RAB38: variants seen among roughly 807,000 people sequenced by gnomAD.
The protein encoded by RAB38 is ras-related protein Rab-38.
In RAB38, 15 loss-of-function variants were observed where a neutral mutation model predicts 18.4. The ratio of observed to expected loss-of-function variants is 0.82; its 90% confidence interval spans 0.55 to 1.26. The LOEUF is 1.26. RAB38 is among the 50% of genes most tolerant of loss of function. RAB38 has a pLI of 0.00. For missense variants in RAB38, 294 were observed against 267.4 expected, an observed-to-expected ratio of 1.10 and a Z score of -0.69; for synonymous variants, 101 against 104.4, an observed-to-expected ratio of 0.97 and a Z score of 0.20.
the RAB38 span, among the ~76,000 whole-genome samples, chr11:88,107,259 C>G: frequency 1.3e-5 from 2 of 152,034 alleles, no homozygotes; most frequent in Non-Finnish European, 2.9e-5. Context: ...CCAAAGAAAA[C>G]CCATAGGCTT....
the RAB38 span, among the ~76,000 whole-genome samples, chr11:88,045,658 A>G: frequency 1.1e-3 from 163 of 152,296 alleles, 1 homozygote; most frequent in African/African-American, 3.8e-3. Flanking sequence ...TTAGCGGCTG[A>G]CGATCGACGC....
the RAB38 span, among the ~76,000 whole-genome samples, chr11:88,046,118 T>G: frequency 6.3e-4 from 96 of 152,254 alleles, 1 homozygote; most frequent in African/African-American, 2.1e-3. Context: ...TGACTGATCA[T>G]GCACCCTTTA....
At chr11:87,976,013 C>A in the RAB38 span, among the ~76,000 whole-genome samples, 2 of 151,046 alleles carry the variant, frequency 1.3e-5, no homozygotes, top group African/African-American at 2.4e-5. Flanking sequence ...AAAGTCAACA[C>A]AAAACATAAG....
At chr11:88,156,368 C>A (rs761925800) in intron 1 of RAB38, among the ~76,000 whole-genome samples, 3 of 152,132 alleles carry the variant, frequency 2.0e-5, no homozygotes, top group Admixed American at 2.0e-4. Flanking sequence ...AGACTGGGGG[C>A]CTATTTTCAG....
the RAB38 span, among the ~76,000 whole-genome samples, chr11:87,866,405 T>C: frequency 1.3e-5 from 2 of 151,774 alleles, no homozygotes; most frequent in Non-Finnish European, 2.9e-5. Context: ...GGCATTGCTT[T>C]ATTCTTCATT....
the RAB38 span, among the ~76,000 whole-genome samples, chr11:88,032,633 C>T: frequency 0.037 from 5,649 of 151,900 alleles, 133 homozygotes; most frequent in Middle Eastern, 0.068. Context: ...AAAACGCTCG[C>T]CATCACTGGC....
the RAB38 span, among the ~76,000 whole-genome samples, chr11:87,905,544 A>C: frequency 1.3e-5 from 2 of 151,892 alleles, no homozygotes; most frequent in East Asian, 3.9e-4. Flanking sequence ...TGTTTATAAG[A>C]GTCATTACAT....
At chr11:87,976,415 A>G in the RAB38 span, among the ~76,000 whole-genome samples, 5 of 136,878 alleles carry the variant, frequency 3.7e-5, no homozygotes, top group African/African-American at 1.1e-4. Flanking sequence ...ATATTTATAT[A>G]TATTTATATA....
At chr11:88,068,287 AATAT>A in the RAB38 span, among the ~76,000 whole-genome samples, 1 of 152,088 alleles carries the variant, frequency 6.6e-6, no homozygotes, top group African/African-American at 2.4e-5. Flanking sequence ...TACTTTAGCT[AATAT>A]ATCAGCTATA....
the RAB38 span, among the ~76,000 whole-genome samples, chr11:87,904,227 G>T: frequency 6.6e-6 from 1 of 151,586 alleles, no homozygotes; most frequent in Non-Finnish European, 1.5e-5. Flanking sequence ...CCAACAGGTA[G>T]TTTTCAACCA....
the RAB38 span, among the ~76,000 whole-genome samples, chr11:88,014,932 A>G: frequency 6.6e-6 from 1 of 152,176 alleles, no homozygotes; most frequent in Admixed American, 6.6e-5. Context: ...CAACCTCTGG[A>G]AAGTTGTGGA....
the RAB38 span, among the ~76,000 whole-genome samples, chr11:88,004,164 C>G: frequency 0.012 from 1,740 of 148,942 alleles, 40 homozygotes; most frequent in African/African-American, 0.04. Flanking sequence ...AGAACAATTG[C>G]CTCATAGACA....
chr11:88,071,456 C>T, the RAB38 span, among the ~76,000 whole-genome samples: 2 of 152,188 alleles, frequency 1.3e-5, no homozygotes, highest in African/African-American at 4.8e-5. Flanking sequence ...TTCTCTGGGG[C>T]TTCAAATGCT....
At chr11:87,961,736 G>A in the RAB38 span, among the ~76,000 whole-genome samples, 1 of 152,188 alleles carries the variant, frequency 6.6e-6, no homozygotes, top group East Asian at 1.9e-4. Context: ...ATGAGCTGAA[G>A]AAGCACTGTT....
chr11:87,875,194 T>G, the RAB38 span, among the ~76,000 whole-genome samples: 1 of 151,550 alleles, frequency 6.6e-6, no homozygotes, highest in East Asian at 2.0e-4. Context: ...AAATGATAGG[T>G]AAGTTAAGTG....
At chr11:87,809,778 C>T in the RAB38 span, among the ~76,000 whole-genome samples, 1 of 151,846 alleles carries the variant, frequency 6.6e-6, no homozygotes, top group African/African-American at 2.4e-5. Context: ...TTGTTTTTTG[C>T]TTAACAATTT....
At chr11:87,866,187 G>C in the RAB38 span, among the ~76,000 whole-genome samples, 1 of 151,590 alleles carries the variant, frequency 6.6e-6, no homozygotes, top group Non-Finnish European at 1.5e-5. Context: ...AGGGGATCAG[G>C]GTGGGAAGAC....
chr11:87,929,707 T>G, the RAB38 span, among the ~76,000 whole-genome samples: 1 of 147,704 alleles, frequency 6.8e-6, no homozygotes, highest in African/African-American at 2.5e-5. Flanking sequence ...AATGCTATCC[T>G]TCCCCCCTCC....
chr11:88,077,343 G>A, the RAB38 span, among the ~76,000 whole-genome samples: 1 of 151,688 alleles, frequency 6.6e-6, no homozygotes. Flanking sequence ...AATAGCCAAA[G>A]CAATCCTGAT....
Sources: gnomAD v4.1 joint callset for allele counts (sites outside exome capture counted in the v4.1 genomes callset) on GRCh38, gnomAD v4.1.1 for gene constraint, MANE v1.5 for transcripts, NCBI Gene and HGNC (gene_info 2026-07-23, HGNC 2026-07-21) for gene names.